Variants in NT5C3B observed in about 807,000 individuals in gnomAD.
The protein encoded by NT5C3B is 5'-nucleotidase, cytosolic IIIB, also known as 7-methylguanosine phosphate-specific 5'-nucleotidase.
A neutral mutation model predicts 32.5 loss-of-function variants in NT5C3B; 28 were observed. The observed-to-expected ratio is 0.86, with a 90% confidence interval of 0.64 to 1.18. The LOEUF (loss-of-function observed/expected upper bound fraction) is 1.18. Among genes scored for constraint, NT5C3B ranks in the 50% most tolerant of loss-of-function variants. NT5C3B has a pLI of 0.00. For synonymous variants in NT5C3B, 138 were observed against 118.0 expected (o/e 1.17, Z -1.10); for missense variants, 317 against 322.0 (o/e 0.98, Z 0.12).
At position 41,835,218 on chromosome 17, in the gene NT5C3B, A is replaced by G. The variant is rs782386604; in HGVS notation, c.166T>C (p.Cys56Arg). ...TGTGACTTACTGTAAGAAGAAGGGC[A>G]TCGCTTTCCATTATATGCAAACCTG... ...LSRFAYNGKR[C>R]PSSYNILDNS... is the part of the protein sequence containing the mutation. The change falls in exon 3 of 9, where the codon TGC (cysteine) becomes CGC (arginine). Residue 56 changes from cysteine (C) to arginine (R), a missense_variant. Coordinates refer to ENST00000435506, the MANE Select transcript of NT5C3B (RefSeq NM_052935.5). 1 of 1,614,206 alleles carries G rather than the reference A, an allele frequency of 6.2e-7. No individual in the cohort carries two copies. Among genetic ancestry groups the G allele is most frequent in the South Asian group, 1.1e-5 (1 of 91,088 alleles).
intron 8 of NT5C3B, 111 bp downstream of exon 8, chr17:41,827,315 A>G (rs2047983722): frequency 2.0e-6 from 1 of 496,010 alleles, no homozygotes. Flanking sequence ...AAATAAAATA[A>G]AATAAAATAA....
At chr17:41,833,387 G>T (rs1343818007) in intron 4 of NT5C3B, among the ~76,000 whole-genome samples, 1 of 152,068 alleles carries the variant, frequency 6.6e-6, no homozygotes. Context: ...CGCAATCTCG[G>T]CTCACTGCAA....
intron 8 of NT5C3B, 82 bp from the exon 9 acceptor site, chr17:41,825,739 G>C (rs1170335433): frequency 4.8e-6 from 4 of 841,630 alleles, no homozygotes; most frequent in Non-Finnish European, 8.2e-6. Flanking sequence ...CCTGGGGCTG[G>C]GGAGGAGAGC....
intron 2 of NT5C3B, 131 bp downstream of exon 2, chr17:41,835,728 A>C: frequency 2.1e-6 from 2 of 973,716 alleles, no homozygotes; most frequent in South Asian, 1.4e-5. Flanking sequence ...GCTCTCCTTC[A>C]AGCTCCCGGC....
intron 4 of NT5C3B, chr17:41,832,701 C>G (rs940012032): frequency 1.7e-5 from 6 of 345,528 alleles, no homozygotes; most frequent in African/African-American, 1.1e-4. Flanking sequence ...AACCCTGTCT[C>G]TACTAAAAAA....
intron 4 of NT5C3B, 66 bp downstream of exon 4, chr17:41,835,004 C>A: frequency 6.7e-7 from 1 of 1,491,512 alleles, no homozygotes; most frequent in Non-Finnish European, 9.3e-7. Flanking sequence ...ATCTTTGGTT[C>A]CAATCAGGAA....
chr17:41,830,781 T>C lies in NT5C3B; in HGVS notation c.404+20A>G. The C allele has an allele frequency of 1.3e-6, 2 of 1,531,094 alleles. No homozygotes were observed. The highest frequency in any genetic ancestry group is 1.8e-6 in the Non-Finnish European group (2 of 1,104,386). The allele number at this position is 1,531,094 out of a possible 1,614,324, so 94.8% of individuals were successfully genotyped here. A position where few individuals can be genotyped will look rare whatever the true frequency, so the allele number is the denominator to read the frequency against. On this transcript the variant is annotated intron_variant, in intron 6 of 8. Transcript: ENST00000435506. ...TTCTAAATAGTCTGATAGAAATGTT[T>C]TCCAGAGCAAGACGCTTACCTGAGC...
chr17:41,834,391 A>AACACAC lies in NT5C3B; in HGVS notation c.228+678_228+679insGTGTGT, dbSNP rs782470202. Among the ~76,000 whole-genome samples, 3 of 39,270 alleles carry AACACAC rather than the reference A, an allele frequency of 7.6e-5. No individual in the cohort carries two copies. In the East Asian group the frequency reaches 4.2e-3, roughly 55 times the overall value. 25.8% of individuals were successfully genotyped at this position (39,270 alleles called of 152,430 possible). ...AGCAAGACTCTGTCTCAAAAAAAAA[A>AACACAC]ATACACACACACACACACACACACA... On this transcript the variant is annotated intron_variant, in intron 4 of 8. Coordinates refer to ENST00000435506, the MANE Select transcript of NT5C3B (RefSeq NM_052935.5).
At position 41,836,215 on chromosome 17, in the gene NT5C3B, G is replaced by C; in HGVS notation, c.-22C>G. 8.1e-7 allele frequency: 1 copy of C among 1,241,098 alleles called. No homozygotes were observed. The highest frequency in any genetic ancestry group is 1.0e-6 in the Non-Finnish European group (1 of 994,452). 76.9% of individuals were successfully genotyped at this position (1,241,098 alleles called of 1,614,324 possible). On this transcript the variant is annotated 5_prime_UTR_variant, in exon 1 of 9. Coordinates refer to ENST00000435506, the MANE Select transcript of NT5C3B (RefSeq NM_052935.5). Reference sequence around the variant, plus strand: ...CCATCCCGTTCGAGGCCTGGTCGGCGGCTCGCGGGACAACGACAGCCCCGC... The same window carrying C: ...CCATCCCGTTCGAGGCCTGGTCGGCCGCTCGCGGGACAACGACAGCCCCGC...
Position 41,835,909 on chromosome 17 carries a change from C to T in NT5C3B, c.61G>A (p.Val21Met), listed in dbSNP as rs868954214. Residue 21 changes from valine (V) to methionine (M), a missense_variant, in exon 2 of 9, where the codon GTG (valine) becomes ATG (methionine). Physicochemically the swap from Val to Met is conservative, Grantham distance 21 (BLOSUM62 1). Coordinates refer to ENST00000435506, the MANE Select transcript of NT5C3B (RefSeq NM_052935.5). The part of the protein sequence containing the change: ...ATVLMRQPGR[V>M]QEIVGALRKG... ...CGGAGGGCGCCCACGATCTCCTGCA[C>T]CCGCCCAGGCTGCCGCATCAGGACC... is the stretch of plus-strand genomic sequence containing the variant. 1 of 1,607,840 alleles carries T rather than the reference C, an allele frequency of 6.2e-7. No homozygotes were observed. The highest frequency in any genetic ancestry group is 2.2e-5 in the East Asian group (1 of 44,714).
Position 41,828,950 on chromosome 17 carries a change from T to C in NT5C3B, c.407A>G (p.Glu136Gly), listed in dbSNP as rs1555618648. The change falls in exon 7 of 9, where the codon GAG becomes GGG. Residue 136 changes from glutamate to glycine, a missense_variant and splice_region_variant. Physicochemically the swap from Glu to Gly is moderately conservative, Grantham distance 98. Transcript: ENST00000435506. ...VVRESNAMLR[E>G]GYKTFFNTLY... ...TGTGTTGAAGAAGGTCTTATATCCC[T>C]CCCTGAAAAGAGATGGAGGAATTCT... 3.7e-6 allele frequency: 6 copies of C among 1,605,924 alleles called. No homozygotes were observed. In the Admixed American group the frequency reaches 8.4e-5, roughly 22 times the overall value.
rs1248350491 is a variant in NT5C3B, at chr17:41,836,187, C to T, written c.7G>A (p.Glu3Lys). 2 of 1,261,124 alleles carry T rather than the reference C, an allele frequency of 1.6e-6. No homozygotes were observed. The highest frequency in any genetic ancestry group is 2.0e-6 in the Non-Finnish European group (2 of 1,006,046). 78.1% of individuals were successfully genotyped at this position (1,261,124 alleles called of 1,614,324 possible). A position where few individuals can be genotyped will look rare whatever the true frequency, so the allele number is the denominator to read the frequency against. Residue 3 changes from glutamate to lysine, a missense_variant, in exon 1 of 9, where the codon GAG becomes AAG. Physicochemically the swap from Glu to Lys is moderately conservative, Grantham distance 56. Coordinates refer to ENST00000435506, the MANE Select transcript of NT5C3B (RefSeq NM_052935.5). The part of the protein sequence containing the change: MA[E>K]EVSTLMKATV... ...GACGCTTCCTCCCTCCTCACCTCCT[C>T]TGCCATCCCGTTCGAGGCCTGGTCG...
At chr17:41,830,655 G>T in intron 6 of NT5C3B, 146 bp downstream of exon 6, 1 of 636,446 alleles carries the variant, frequency 1.6e-6, no homozygotes. Context: ...AAATGCTTTA[G>T]CTGTATCACA....
At position 41,835,269 on chromosome 17, in the gene NT5C3B, T is replaced by C. The variant is rs782761879; in HGVS notation, c.115A>G (p.Ile39Val). 18 of 1,613,954 alleles carry C rather than the reference T, an allele frequency of 1.1e-5. No individual in the cohort carries two copies. The highest frequency in any genetic ancestry group is 1.5e-5 in the Non-Finnish European group (18 of 1,179,922). The part of the protein sequence containing the change: ...RKGGGDRLQV[I>V]SDFDMTLSRF... ...CTCAAGGTCATGTCAAAATCAGAAA[T>C]CACCTATAAGGCAAAAGAGAGATGA... is the stretch of plus-strand genomic sequence containing the variant. The change falls in exon 3 of 9, where the codon ATT becomes GTT. Residue 39 changes from isoleucine to valine, a missense_variant. Ile to Val is a conservative substitution (Grantham distance 29). Coordinates refer to ENST00000435506, the MANE Select transcript of NT5C3B (RefSeq NM_052935.5).
rs781806212 is a variant in NT5C3B, at chr17:41,825,663, C to T, written c.769-6G>A. 1.7e-5 allele frequency: 15 copies of T among 872,590 alleles called. No homozygotes were observed. Among genetic ancestry groups the T allele is most frequent in the African/African-American group, 4.9e-5 (3 of 61,346 alleles). The allele number at this position is 872,590 out of a possible 1,614,324, so 54.1% of individuals were successfully genotyped here. A position where few individuals can be genotyped will look rare whatever the true frequency, so the allele number is the denominator to read the frequency against. On this transcript the variant is annotated splice_region_variant and splice_polypyrimidine_tract_variant and intron_variant, in intron 8 of 8. Transcript: ENST00000435506. ...CGCTCCCGCCGCTCCTCCACCTGCC[C>T]GGAATGAGAGGCAGAAGCCAGAGGG...
At position 41,828,538 on chromosome 17, in the gene NT5C3B, T is replaced by C. The variant is rs548080153; in HGVS notation, c.567+252A>G. On this transcript the variant is annotated intron_variant, in intron 7 of 8. Transcript: ENST00000435506. ...TTTTAGTACAGATGGACTTTCACCATGTTGGCCAGGCTGGTCTCGAACTCC... is the reference window on the plus strand; with the variant it reads ...TTTTAGTACAGATGGACTTTCACCACGTTGGCCAGGCTGGTCTCGAACTCC... The C allele has an allele frequency of 1.2e-3, 395 of 321,058 alleles. 4 individuals are homozygous for C. The highest frequency in any genetic ancestry group is 9.5e-4 in the Middle Eastern group (1 of 1,050). 19.9% of individuals were successfully genotyped at this position (321,058 alleles called of 1,614,324 possible). A position where few individuals can be genotyped will look rare whatever the true frequency, so the allele number is the denominator to read the frequency against.
At chr17:41,832,368 C>A (rs982353240) in intron 5 of NT5C3B, 24 bp downstream of exon 5, 22 of 1,608,330 alleles carry the variant, frequency 1.4e-5, no homozygotes, top group Non-Finnish European at 1.5e-5. Flanking sequence ...GGCCCAGAAG[C>A]TTTTCTCCAC....
chr17:41,832,717 AAATTAGCCGGTGTAGTGGCATGCGCCTTT>A (rs1555619230), intron 4 of NT5C3B: 5 of 324,624 alleles, frequency 1.5e-5, no homozygotes, highest in Non-Finnish European at 2.4e-5. Flanking sequence ...AAAAATACAA[AAATTAGCCGGTGTAGTGGCATGCGCCTTT>A]AATCCCAGCT....
At chr17:41,831,550 T>C (rs1597921355) in intron 5 of NT5C3B, among the ~76,000 whole-genome samples, 1 of 152,160 alleles carries the variant, frequency 6.6e-6, no homozygotes, top group East Asian at 1.9e-4. Context: ...GGAGGTGTCA[T>C]GGCGGCACCA....
Sources: allele counts gnomAD v4.1 joint callset (sites outside exome capture counted in the v4.1 genomes callset), GRCh38; gene constraint gnomAD v4.1.1; transcripts MANE v1.5; gene names NCBI Gene and HGNC (gene_info 2026-07-23, HGNC 2026-07-21).